Variants in FTO observed in about 807,000 individuals in gnomAD.
FTO encodes the protein FTO alpha-ketoglutarate dependent dioxygenase, also known as alpha-ketoglutarate-dependent dioxygenase FTO.
In FTO, 47 loss-of-function variants were observed where a neutral mutation model predicts 63.9. The ratio of observed to expected loss-of-function variants is 0.74; its 90% confidence interval spans 0.58 to 0.94. The LOEUF (loss-of-function observed/expected upper bound fraction) is 0.94. Among genes scored for constraint, FTO ranks in the 40% least tolerant of loss-of-function variants. The pLI, the probability that FTO is intolerant of heterozygous loss-of-function variation, is 0.00. For missense variants in FTO, 562 were observed against 618.1 expected (o/e 0.91, Z 0.96); for synonymous variants, 207 against 224.4 (o/e 0.92, Z 0.69).
intron 1 of FTO, among the ~76,000 whole-genome samples, chr16:53,720,026 C>T (rs1397175383): frequency 6.6e-6 from 1 of 151,968 alleles, no homozygotes; most frequent in Non-Finnish European, 1.5e-5. Context: ...CCCTGAATTC[C>T]CCCATTCCCC....
chr16:53,948,487 A>T (rs1261141641), intron 8 of FTO, among the ~76,000 whole-genome samples: 2 of 152,200 alleles, frequency 1.3e-5, no homozygotes, highest in Non-Finnish European at 2.9e-5. Flanking sequence ...CATAGAGTAG[A>T]ACAATGTTAC....
At chr16:54,063,331 C>T (rs1369635154) in intron 8 of FTO, among the ~76,000 whole-genome samples, 1 of 152,274 alleles carries the variant, frequency 6.6e-6, no homozygotes, top group African/African-American at 2.4e-5. Context: ...GCTGGAAAGG[C>T]TTGTTCTTCC....
intron 7 of FTO, among the ~76,000 whole-genome samples, chr16:53,921,125 C>G (rs549252394): frequency 4.6e-5 from 7 of 152,338 alleles, no homozygotes; most frequent in East Asian, 3.9e-4. Context: ...TGTGCCCTTC[C>G]TGCATTCACA....
intron 8 of FTO, among the ~76,000 whole-genome samples, chr16:54,011,137 A>G (rs964524636): frequency 3.3e-5 from 5 of 152,196 alleles, no homozygotes; most frequent in Admixed American, 1.3e-4. Context: ...GTAACTGACA[A>G]TGGAATTATC....
At chr16:54,097,425 C>T (rs922127540) in intron 8 of FTO, among the ~76,000 whole-genome samples, 2 of 152,126 alleles carry the variant, frequency 1.3e-5, no homozygotes, top group Non-Finnish European at 1.5e-5. Flanking sequence ...ACTGCAACCT[C>T]GACCTTCTGG....
chr16:53,737,282 C>T (rs1213321115), intron 1 of FTO, among the ~76,000 whole-genome samples: 2 of 152,170 alleles, frequency 1.3e-5, no homozygotes, highest in African/African-American at 4.8e-5. Flanking sequence ...CACACATATA[C>T]AATCATGCAT....
chr16:53,761,841 A>G (rs2077080326), intron 1 of FTO, among the ~76,000 whole-genome samples: 1 of 152,210 alleles, frequency 6.6e-6, no homozygotes, highest in African/African-American at 2.4e-5. Flanking sequence ...TATGAATTGA[A>G]TAAATACTTT....
intron 7 of FTO, among the ~76,000 whole-genome samples, chr16:53,908,768 G>A (rs1379463283): frequency 6.6e-6 from 1 of 152,164 alleles, no homozygotes. Flanking sequence ...AGGTTTTCTG[G>A]CCCAGGGTAG....
intron 2 of FTO, among the ~76,000 whole-genome samples, chr16:53,811,996 A>G (rs957242748): frequency 3.9e-5 from 6 of 151,974 alleles, no homozygotes; most frequent in Non-Finnish European, 8.8e-5. Context: ...GTATTTTTGT[A>G]GAGACAGGGT....
chr16:54,047,103 T>A (rs2085187359), intron 8 of FTO, among the ~76,000 whole-genome samples: 2 of 124,228 alleles, frequency 1.6e-5, no homozygotes, highest in Non-Finnish European at 3.4e-5. Context: ...AAGCCAAAAT[T>A]GACAAATGGG....
intron 8 of FTO, among the ~76,000 whole-genome samples, chr16:54,055,838 A>G (rs2085420548): frequency 6.6e-6 from 1 of 152,238 alleles, no homozygotes; most frequent in South Asian, 2.1e-4. Context: ...GATTAGCAGG[A>G]TATCTTTAGG....
At chr16:54,093,158 C>T (rs140917686) in intron 8 of FTO, among the ~76,000 whole-genome samples, 2 of 152,318 alleles carry the variant, frequency 1.3e-5, no homozygotes, top group East Asian at 3.9e-4. Flanking sequence ...GCTGATGGCA[C>T]TTACGCATCC....
At chr16:54,088,873 C>G (rs1439855066) in intron 8 of FTO, among the ~76,000 whole-genome samples, 7 of 152,182 alleles carry the variant, frequency 4.6e-5, no homozygotes, top group African/African-American at 1.7e-4. Flanking sequence ...TTGCTAACAC[C>G]CACGTTATAA....
Position 54,047,041 on chromosome 16 carries a change from A to G in FTO, c.1365-64721A>G, listed in dbSNP as rs2085185281. Among the ~76,000 whole-genome samples, 3 of 148,206 alleles carry G rather than the reference A, an allele frequency of 2.0e-5. No individual in the cohort carries two copies. The South Asian group carries it at 6.7e-4, about 33-fold the overall frequency. Reference sequence around the variant, plus strand: ...AAACCTAGGCATTACCATTCAGGACATAGGCGTAGGCAAGGACTTCATGTC... The same window carrying G: ...AAACCTAGGCATTACCATTCAGGACGTAGGCGTAGGCAAGGACTTCATGTC... On this transcript the variant is annotated intron_variant, in intron 8 of 8. Coordinates refer to ENST00000471389, the MANE Select transcript of FTO (RefSeq NM_001080432.3).
At chr16:54,040,988 ATAT>A in intron 8 of FTO, among the ~76,000 whole-genome samples, 1 of 152,316 alleles carries the variant, frequency 6.6e-6, no homozygotes, top group East Asian at 1.9e-4. Context: ...GTAAAATGAA[ATAT>A]TATTTGCAAA....
At chr16:53,960,717 T>TGG (rs1028819786) in intron 8 of FTO, among the ~76,000 whole-genome samples, 2 of 141,016 alleles carry the variant, frequency 1.4e-5, no homozygotes, top group African/African-American at 5.6e-5. Context: ...GAAATGGGGG[T>TGG]GGGGGGGGCG....
intron 8 of FTO, among the ~76,000 whole-genome samples, chr16:54,009,084 A>C (rs2084280280): frequency 6.6e-6 from 1 of 152,064 alleles, no homozygotes; most frequent in Non-Finnish European, 1.5e-5. Context: ...ATGGGATTGC[A>C]AACTCTTTGA....
At chr16:53,809,311 G>A (rs1296940597) in intron 1 of FTO, among the ~76,000 whole-genome samples, 1 of 152,126 alleles carries the variant, frequency 6.6e-6, no homozygotes, top group Non-Finnish European at 1.5e-5. Flanking sequence ...CTCTAAAAAA[G>A]CAATACCGTA....
intron 1 of FTO, among the ~76,000 whole-genome samples, chr16:53,742,356 T>C (rs1598542581): frequency 6.6e-6 from 1 of 152,286 alleles, no homozygotes; most frequent in Non-Finnish European, 1.5e-5. Context: ...CAAGAAAGTC[T>C]GGGAAGGCAA....
Sources: gnomAD v4.1 joint callset for allele counts (sites outside exome capture counted in the v4.1 genomes callset) on GRCh38, gnomAD v4.1.1 for gene constraint, MANE v1.5 for transcripts, NCBI Gene and HGNC (gene_info 2026-07-23, HGNC 2026-07-21) for gene names.